PDIA5: variants seen among roughly 807,000 people sequenced by gnomAD.
PDIA5 encodes the protein protein disulfide-isomerase A5.
Under a neutral mutation model 77.6 loss-of-function variants are expected in PDIA5, and 58 were observed. That is an observed-to-expected ratio of 0.75 (90% CI 0.61 to 0.93). The LOEUF (loss-of-function observed/expected upper bound fraction) is 0.93. Among genes scored for constraint, PDIA5 ranks in the 40% least tolerant of loss-of-function variants. The pLI is 0.00. For missense variants in PDIA5, 630 were observed against 647.7 expected (o/e 0.97, Z 0.30); for synonymous variants, 250 against 252.1 (o/e 0.99, Z 0.08).
intron 1 of PDIA5, among the ~76,000 whole-genome samples, chr3:123,076,445 G>A (rs890896209): frequency 1.3e-5 from 2 of 152,164 alleles, no homozygotes; most frequent in African/African-American, 4.8e-5. Context: ...TGAATGCATA[G>A]TGTTGCTACC....
At chr3:123,161,643 T>G in intron 16 of PDIA5, 188 bp downstream of exon 16, 1 of 672,656 alleles carries the variant, frequency 1.5e-6, no homozygotes, top group Non-Finnish European at 2.5e-6. Flanking sequence ...CCCAAGGGGT[T>G]GCCACAGATG....
Position 123,146,230 on chromosome 3 carries a change from AAAG to A in PDIA5, c.1120_1122del (p.Lys374del), listed in dbSNP as rs760334360. The A allele has an allele frequency of 2.9e-5, 47 of 1,613,996 alleles. No individual in the cohort carries two copies. Among genetic ancestry groups the A allele is most frequent in the African/African-American group, 4.0e-5 (3 of 74,938 alleles). On this transcript the variant is annotated inframe_deletion, in exon 13 of 17. Coordinates refer to ENST00000316218, the MANE Select transcript of PDIA5 (RefSeq NM_006810.4). ...AATACGCAGTGCCTGTGCTCAGGACAAAGAAGAAGTTTCTCGAGTGGATGCAAA... is the reference window on the plus strand; with the variant it reads ...AATACGCAGTGCCTGTGCTCAGGACAAAGAAGTTTCTCGAGTGGATGCAAA...
intron 1 of PDIA5, among the ~76,000 whole-genome samples, chr3:123,084,997 C>A (rs145893901): frequency 1.9e-3 from 282 of 152,232 alleles, no homozygotes; most frequent in Middle Eastern, 3.4e-3. Context: ...GGTCCTTGGG[C>A]AGGCTTTGAA....
At position 123,150,244 on chromosome 3, in the gene PDIA5, C is replaced by T. The variant is rs201443884; in HGVS notation, c.1153C>T (p.Pro385Ser). ...FLEWMQNPEA[P>S]PPPEPTWEEQ... The stretch of plus-strand genomic sequence containing the variant: ...CCTGGCTTCTTGCAGCCCTGAGGCC[C>T]CCCCGCCCCCAGAGCCCACGTGGGA... The change falls in exon 14 of 17, where the codon CCC becomes TCC. Residue 385 changes from proline (P) to serine (S), a missense_variant. Pro to Ser is a moderately conservative substitution (Grantham distance 74). Coordinates refer to ENST00000316218, the MANE Select transcript of PDIA5 (RefSeq NM_006810.4). 7.3e-5 allele frequency: 117 copies of T among 1,612,574 alleles called. No homozygotes were observed. The highest frequency in any genetic ancestry group is 1.8e-4 in the Admixed American group (11 of 59,888).
At chr3:123,161,282 G>T in intron 15 of PDIA5, 39 bp from the exon 16 acceptor site, 1 of 1,604,632 alleles carries the variant, frequency 6.2e-7, no homozygotes, top group Non-Finnish European at 8.5e-7. Context: ...CCTCAGCCTG[G>T]GGACACCCTG....
intron 1 of PDIA5, among the ~76,000 whole-genome samples, chr3:123,073,170 G>T (rs1337192105): frequency 1.3e-5 from 2 of 152,222 alleles, no homozygotes; most frequent in East Asian, 3.8e-4. Context: ...TTTCACGACG[G>T]TGTGGTTTTG....
intron 14 of PDIA5, among the ~76,000 whole-genome samples, chr3:123,153,267 AG>A (rs754096980): frequency 6.6e-6 from 1 of 152,196 alleles, no homozygotes; most frequent in East Asian, 1.9e-4. Flanking sequence ...GTTTTGAGGA[AG>A]GGGGGTGGTT....
intron 3 of PDIA5, among the ~76,000 whole-genome samples, chr3:123,098,446 G>A (rs186266952): frequency 3.5e-4 from 54 of 152,270 alleles, no homozygotes; most frequent in African/African-American, 1.3e-3. Context: ...AGTAATTACT[G>A]CACAGGAAAA....
chr3:123,120,951 T>C (rs1267773661), intron 8 of PDIA5, among the ~76,000 whole-genome samples: 1 of 152,196 alleles, frequency 6.6e-6, no homozygotes, highest in Non-Finnish European at 1.5e-5. Context: ...CATTCCCTCA[T>C]AGCTCGTCCT....
intron 1 of PDIA5, among the ~76,000 whole-genome samples, chr3:123,084,831 G>T (rs1277854818): frequency 6.6e-6 from 1 of 152,150 alleles, no homozygotes; most frequent in African/African-American, 2.4e-5. Context: ...CTCCACGCGG[G>T]CAGCCACCCA....
At chr3:123,114,360 G>C (rs565745200) in intron 7 of PDIA5, among the ~76,000 whole-genome samples, 73 of 143,396 alleles carry the variant, frequency 5.1e-4, no homozygotes, top group African/African-American at 1.9e-3. Context: ...CCATGGACTG[G>C]GAAGCACCCC....
chr3:123,097,274 C>A (rs1049697354), intron 3 of PDIA5, among the ~76,000 whole-genome samples: 1 of 152,200 alleles, frequency 6.6e-6, no homozygotes, highest in African/African-American at 2.4e-5. Context: ...TTCCAGCACA[C>A]CACCATGCAC....
chr3:123,088,829 A>G (rs572887449), intron 1 of PDIA5, among the ~76,000 whole-genome samples: 5 of 152,226 alleles, frequency 3.3e-5, no homozygotes, highest in African/African-American at 9.6e-5. Flanking sequence ...TTTTATTGCT[A>G]TTATTTTTTA....
chr3:123,137,059 A>G (rs1935520784), intron 11 of PDIA5, among the ~76,000 whole-genome samples: 1 of 152,216 alleles, frequency 6.6e-6, no homozygotes, highest in Non-Finnish European at 1.5e-5. Context: ...AATATTTTTG[A>G]TTAATTCCTA....
At chr3:123,068,616 C>T (rs999421655) in intron 1 of PDIA5, among the ~76,000 whole-genome samples, 2 of 152,218 alleles carry the variant, frequency 1.3e-5, no homozygotes, top group Non-Finnish European at 2.9e-5. Flanking sequence ...TGCTTTCCTC[C>T]CTTTCCCCTC....
intron 1 of PDIA5, among the ~76,000 whole-genome samples, chr3:123,069,645 A>T (rs1203185165): frequency 3.3e-5 from 5 of 152,188 alleles, no homozygotes; most frequent in Non-Finnish European, 5.9e-5. Context: ...AAGACTAGAC[A>T]GTTCTCTTGG....
In PDIA5 at chr3:123,067,029, G is replaced by A. The variant is rs551548066; in HGVS notation, c.-136G>A. On this transcript the variant is annotated 5_prime_UTR_variant, in exon 1 of 17. In the 5' UTR this introduces an upstream ATG that the reference lacks. Transcript: ENST00000316218. Reference sequence around the variant, plus strand: ...AGCTGCTGCGCATGCTTTGGCAGACGTGGCACCGGGAACTCGGAGGCGGGG... The same window carrying A: ...AGCTGCTGCGCATGCTTTGGCAGACATGGCACCGGGAACTCGGAGGCGGGG... 2 of 667,078 alleles carry A rather than the reference G, an allele frequency of 3.0e-6. No individual in the cohort carries two copies. Among genetic ancestry groups the A allele is most frequent in the Admixed American group, 4.3e-5 (1 of 23,004 alleles). 41.3% of individuals were successfully genotyped at this position (667,078 alleles called of 1,614,324 possible).
Position 123,116,289 on chromosome 3 carries a change from A to C in PDIA5, c.600A>C (p.Arg200=). 3 of 1,612,042 alleles carry C rather than the reference A, an allele frequency of 1.9e-6. No individual in the cohort carries two copies. Among genetic ancestry groups the C allele is most frequent in the Non-Finnish European group, 2.5e-6 (3 of 1,178,906 alleles). The change falls in exon 8 of 17, where the codon CGA becomes CGC. Residue 200 remains arginine, a synonymous_variant. Coordinates refer to ENST00000316218, the MANE Select transcript of PDIA5 (RefSeq NM_006810.4). ...TCCAGAAGGCTGCGACTCAGCTGCG[A>C]GGCCACGCCGTAAGTGAGGCGCCAT... ...PHFQKAATQL[R]GHAVLAGMNV... is the part of the protein sequence containing the mutation.
chr3:123,087,307 C>T (rs1465057922), intron 1 of PDIA5, among the ~76,000 whole-genome samples: 4 of 152,094 alleles, frequency 2.6e-5, no homozygotes, highest in Non-Finnish European at 5.9e-5. Context: ...AGACGTTGTG[C>T]CAGGCTTCAA....
Sources: allele counts gnomAD v4.1 joint callset (sites outside exome capture counted in the v4.1 genomes callset), GRCh38; gene constraint gnomAD v4.1.1; transcripts MANE v1.5; gene names NCBI Gene and HGNC (gene_info 2026-07-23, HGNC 2026-07-21).